The following CRB1 variants were observed in gnomAD, a reference collection of about 807,000 sequenced individuals.
The protein encoded by CRB1 is protein crumbs homolog 1.
Under a neutral mutation model 120.0 loss-of-function variants are expected in CRB1, and 83 were observed. The ratio of observed to expected loss-of-function variants is 0.69; its 90% CI spans 0.58 to 0.83. The LOEUF is 0.83. Ranked by LOEUF, CRB1 falls within the 40% of genes least tolerant of loss-of-function variation. CRB1 has a pLI of 0.00. For synonymous variants in CRB1, 625 were observed against 612.5 expected, an observed-to-expected ratio of 1.02 and a Z score of -0.30; for missense variants, 1,699 against 1,687.6, an observed-to-expected ratio of 1.01 and a Z score of -0.12.
chr1:197,369,319 C>T (rs1661244836), intron 5 of CRB1, among the ~76,000 whole-genome samples: 1 of 152,048 alleles, frequency 6.6e-6, no homozygotes. Flanking sequence ...GATATTAACA[C>T]AGAAGACCCT....
At chr1:197,456,546 G>T (rs556549689) in intron 11 of CRB1, among the ~76,000 whole-genome samples, 525 of 152,198 alleles carry the variant, frequency 3.4e-3, no homozygotes, top group Non-Finnish European at 5.2e-3. Context: ...TCACCACTTT[G>T]TTGATGACAG....
chr1:197,274,293 A>G (rs1452531973), intron 1 of CRB1, among the ~76,000 whole-genome samples: 1 of 152,112 alleles, frequency 6.6e-6, no homozygotes, highest in Admixed American at 6.6e-5. Context: ...TACAGTACTT[A>G]TAGCTGTTTC....
intron 5 of CRB1, among the ~76,000 whole-genome samples, chr1:197,397,651 C>T (rs1662840210): frequency 6.6e-6 from 1 of 152,178 alleles, no homozygotes; most frequent in African/African-American, 2.4e-5. Flanking sequence ...ACCATTAACA[C>T]ATGCAACAAC....
chr1:197,256,690 T>C, the CRB1 span, among the ~76,000 whole-genome samples: 1 of 152,028 alleles, frequency 6.6e-6, no homozygotes, highest in Non-Finnish European at 1.5e-5. Context: ...AATTGATTTT[T>C]CTCCTTTATT....
At chr1:197,325,225 A>G (rs573624168) in intron 1 of CRB1, among the ~76,000 whole-genome samples, 33 of 152,174 alleles carry the variant, frequency 2.2e-4, no homozygotes, top group Non-Finnish European at 4.1e-4. Context: ...CAATCCTGGA[A>G]CTAAATTTCA....
At chr1:197,313,703 GT>G (rs1004038433) in intron 1 of CRB1, among the ~76,000 whole-genome samples, 2 of 152,034 alleles carry the variant, frequency 1.3e-5, no homozygotes, top group Admixed American at 1.3e-4. Flanking sequence ...TGTGATATTT[GT>G]CTTTCTGTGC....
Position 197,472,221 on chromosome 1 carries a change from T to C in CRB1, c.4006-5443T>C, listed in dbSNP as rs79122812. On this transcript the variant is annotated intron_variant, in intron 11 of 11. Coordinates refer to ENST00000367400, the MANE Select transcript of CRB1 (RefSeq NM_201253.3). ...AACATTTTAACTTTCCATCTTAAAC[T>C]GTCTCCACATATTTCTATGTAACTG... Among the ~76,000 whole-genome samples, 47 of 152,342 alleles carry C rather than the reference T, an allele frequency of 3.1e-4. 1 individual carries two copies. The East Asian group carries it at 8.7e-3, about 28-fold the overall frequency.
At chr1:197,305,290 C>T (rs1194887929) in intron 1 of CRB1, among the ~76,000 whole-genome samples, 1 of 151,682 alleles carries the variant, frequency 6.6e-6, no homozygotes, top group African/African-American at 2.4e-5. Flanking sequence ...TATAATTATC[C>T]TTGTTGGTGT....
At chr1:197,453,837 T>G (rs998702027) in intron 11 of CRB1, among the ~76,000 whole-genome samples, 2 of 142,770 alleles carry the variant, frequency 1.4e-5, no homozygotes, top group African/African-American at 5.1e-5. Flanking sequence ...TATTAATATA[T>G]TATCAATATT....
chr1:197,442,477 G>A (rs1665503953), intron 11 of CRB1, 185 bp downstream of exon 11: 2 of 1,516,644 alleles, frequency 1.3e-6, no homozygotes, highest in Admixed American at 4.5e-5. Flanking sequence ...GAAATGCCTT[G>A]ATTCATTTTA....
intron 5 of CRB1, among the ~76,000 whole-genome samples, chr1:197,367,374 A>T (rs1476779875): frequency 6.6e-6 from 1 of 152,214 alleles, no homozygotes; most frequent in African/African-American, 2.4e-5. Flanking sequence ...AAAAGGCACC[A>T]TTAGATAAAT....
the CRB1 span, among the ~76,000 whole-genome samples, chr1:197,240,335 G>A: frequency 5.3e-5 from 8 of 151,968 alleles, no homozygotes; most frequent in African/African-American, 1.7e-4. Context: ...CGTCATCTAC[G>A]TTAGGTATTT....
intron 1 of CRB1, among the ~76,000 whole-genome samples, chr1:197,310,992 G>A (rs772975984): frequency 7.2e-5 from 11 of 152,132 alleles, no homozygotes; most frequent in Non-Finnish European, 1.6e-4. Context: ...CCATTCATCT[G>A]ACATAGAAAT....
At chr1:197,337,852 A>G (rs1212601064) in intron 2 of CRB1, among the ~76,000 whole-genome samples, 1 of 152,128 alleles carries the variant, frequency 6.6e-6, no homozygotes, top group Non-Finnish European at 1.5e-5. Flanking sequence ...CAACTTCTAA[A>G]ATGGCCATAT....
intron 1 of CRB1, among the ~76,000 whole-genome samples, chr1:197,299,936 CT>C (rs1656768966): frequency 6.6e-6 from 1 of 151,732 alleles, no homozygotes; most frequent in African/African-American, 2.4e-5. Context: ...ATATCTCAAA[CT>C]TTTTCAGTAT....
chr1:197,449,174 T>G (rs1475990410), intron 11 of CRB1, among the ~76,000 whole-genome samples: 1 of 152,150 alleles, frequency 6.6e-6, no homozygotes, highest in Non-Finnish European at 1.5e-5. Flanking sequence ...TAAAATCCTT[T>G]TCAGTTAATT....
chr1:197,232,034 G>A, the CRB1 span, among the ~76,000 whole-genome samples: 1 of 152,260 alleles, frequency 6.6e-6, no homozygotes, highest in East Asian at 1.9e-4. Context: ...AATTACAGGG[G>A]CTCCTTATAA....
chr1:197,291,593 A>G (rs1656186805), intron 1 of CRB1, among the ~76,000 whole-genome samples: 1 of 151,864 alleles, frequency 6.6e-6, no homozygotes, highest in Admixed American at 6.6e-5. Flanking sequence ...ATCTTTCTAC[A>G]GTAAAAGCAA....
At chr1:197,293,052 T>G (rs1656287570) in intron 1 of CRB1, among the ~76,000 whole-genome samples, 1 of 152,096 alleles carries the variant, frequency 6.6e-6, no homozygotes, top group Non-Finnish European at 1.5e-5. Flanking sequence ...GTGTTGGAAG[T>G]TCTGGCTAGG....
Sources: gnomAD v4.1 joint callset for allele counts (sites outside exome capture counted in the v4.1 genomes callset) on GRCh38, gnomAD v4.1.1 for gene constraint, MANE v1.5 for transcripts, NCBI Gene and HGNC (gene_info 2026-07-23, HGNC 2026-07-21) for gene names.